FBXL16: variants seen among roughly 807,000 people sequenced by gnomAD.
FBXL16 encodes the protein F-box/LRR-repeat protein 16.
A neutral mutation model predicts 36.7 loss-of-function variants in FBXL16; 7 were observed. The observed-to-expected ratio is 0.19, with a 90% CI of 0.11 to 0.36. The LOEUF is 0.36. Among genes scored for constraint, FBXL16 ranks in the 10% least tolerant of loss-of-function variants. The pLI is 1.00. For synonymous variants in FBXL16, 355 were observed against 308.7 expected, an observed-to-expected ratio of 1.15 and a Z score of -1.57; for missense variants, 463 against 659.4, an observed-to-expected ratio of 0.70 and a Z score of 3.26.
At chr16:696,717 G>T (rs1239461077) in intron 2 of FBXL16, 56 bp downstream of exon 2, 4 of 1,452,432 alleles carry the variant, frequency 2.8e-6, no homozygotes, top group Non-Finnish European at 3.6e-6. Flanking sequence ...CCTCCATAGG[G>T]TTGCTGCTGC....
chr16:700,178 C>T (rs960920783), intron 1 of FBXL16, among the ~76,000 whole-genome samples: 1 of 152,124 alleles, frequency 6.6e-6, no homozygotes, highest in African/African-American at 2.4e-5. Flanking sequence ...TAGACCGGAG[C>T]CGGGACCAGG....
intron 4 of FBXL16, 26 bp from the exon 5 acceptor site, chr16:694,723 A>G: frequency 1.3e-6 from 2 of 1,590,184 alleles, no homozygotes; most frequent in Non-Finnish European, 8.6e-7. Flanking sequence ...GAGCGACTTA[A>G]CGATTTCCGC....
At chr16:704,416 C>T (rs1446035243) in intron 1 of FBXL16, among the ~76,000 whole-genome samples, 2 of 152,120 alleles carry the variant, frequency 1.3e-5, no homozygotes, top group South Asian at 2.1e-4. Context: ...GCAAGTGAGT[C>T]CTAGGGTTCC....
In FBXL16 at chr16:694,202, G is replaced by C; in HGVS notation, c.*73C>G. On this transcript the variant is annotated 3_prime_UTR_variant, in exon 6 of 6. Transcript: ENST00000397621. Reference sequence around the variant, plus strand: ...CTCCCCCGAGCGCAAGGCGGGAAGAGGGGGCTCGGCGGCGCCCCGCGCCCC... The same window carrying C: ...CTCCCCCGAGCGCAAGGCGGGAAGACGGGGCTCGGCGGCGCCCCGCGCCCC... The C allele has an allele frequency of 9.0e-7, 1 of 1,115,440 alleles. No homozygotes were observed. Among genetic ancestry groups the C allele is most frequent in the African/African-American group, 1.6e-5 (1 of 61,358 alleles). The allele number at this position is 1,115,440 out of a possible 1,614,324, so 69.1% of individuals were successfully genotyped here. A position where few individuals can be genotyped will look rare whatever the true frequency, so the allele number is the denominator to read the frequency against.
In FBXL16 at chr16:695,040, C is replaced by G; in HGVS notation, c.1179G>C (p.Leu393=). ...GGCTGCGGAGGGACGACATGGTGGA[C>G]AGATAGCTGAGGCCAGTGTCCGTGA... ...VRITDTGLSY[L]STMSSLRSLY... Residue 393 remains leucine, a synonymous_variant, in exon 4 of 6, where the codon CTG becomes CTC. Transcript: ENST00000397621. The G allele has an allele frequency of 6.3e-7, 1 of 1,590,712 alleles. No homozygotes were observed. The highest frequency in any genetic ancestry group is 2.3e-5 in the East Asian group (1 of 44,298).
At position 694,668 on chromosome 16, in the gene FBXL16, C is replaced by T; in HGVS notation, c.1257G>A (p.Leu419=). Residue 419 remains leucine, a synonymous_variant, in exon 5 of 6, where the codon CTG becomes CTA. Transcript: ENST00000397621. ...ACAGGAGGCGCAAACTCCCCAGGGC[C>T]AGGAGGTGCTTCAGCCCGAAGTCTT... is the stretch of plus-strand genomic sequence containing the variant. The part of the protein sequence containing the change: ...QVQDFGLKHL[L]ALGSLRLLSL... The T allele has an allele frequency of 6.2e-7, 1 of 1,609,882 alleles. No homozygotes were observed. Among genetic ancestry groups the T allele is most frequent in the Non-Finnish European group, 8.5e-7 (1 of 1,178,452 alleles).
chr16:697,924 C>T lies in FBXL16; in HGVS notation c.-14-505G>A, dbSNP rs541071394. ...CTGCAGCAGGAGAATGACGTGAACC[C>T]GGGAGGCGGAGCTTGCAGTGAGCCG... On this transcript the variant is annotated intron_variant, in intron 1 of 5. Coordinates refer to ENST00000397621, the MANE Select transcript of FBXL16 (RefSeq NM_153350.4). The surrounding 1 kb of genome is among the most constrained non-coding windows in gnomAD (Gnocchi z 4.6). Among the ~76,000 whole-genome samples the T allele has an allele frequency of 3.2e-4, 48 of 151,494 alleles. No individual in the cohort carries two copies. The highest frequency in any genetic ancestry group is 2.9e-4 in the Non-Finnish European group (20 of 67,910).
chr16:694,516 C>A, intron 5 of FBXL16, 93 bp from the exon 6 acceptor site: 2 of 1,510,656 alleles, frequency 1.3e-6, no homozygotes, highest in South Asian at 1.2e-5. Context: ...CGCCTCGGAC[C>A]CGGGACTGTG....
chr16:697,037 G>C lies in FBXL16; in HGVS notation c.369C>G (p.Ala123=). The part of the protein sequence containing the change: ...EKCVLAQVCK[A]WRRVLYQPKF... ...TGGGCTGGTACAGCACGCGCCGCCA[G>C]GCCTTGCACACCTGGGCCAGCACAC... The change falls in exon 2 of 6, where the codon GCC becomes GCG. Residue 123 remains alanine, a synonymous_variant. Transcript: ENST00000397621. This position sits in a 1 kb window ranked among gnomAD's most constrained non-coding sequence, Gnocchi z 4.6. The C allele has an allele frequency of 2.5e-6, 4 of 1,598,824 alleles. No homozygotes were observed. Among genetic ancestry groups the C allele is most frequent in the Non-Finnish European group, 3.4e-6 (4 of 1,172,470 alleles).
chr16:702,322 C>A (rs1278301952), intron 1 of FBXL16, among the ~76,000 whole-genome samples: 1 of 152,154 alleles, frequency 6.6e-6, no homozygotes, highest in African/African-American at 2.4e-5. Context: ...CTCTTCTCCT[C>A]CATCCCTCAG....
chr16:695,855 G>T lies in FBXL16; in HGVS notation c.702C>A (p.Ala234=). Residue 234 remains alanine, a synonymous_variant, in exon 3 of 6, where the codon GCC becomes GCA. Transcript: ENST00000397621. ...ELSGCNDFTE[A]GLWSSLSARI... is the part of the protein sequence containing the mutation. ...GCGCGCTCAGGCTGGACCACAGCCC[G>T]GCCTCGGTGAAGTCGTTGCAGCCCG... The T allele has an allele frequency of 6.2e-7, 1 of 1,603,936 alleles. No homozygotes were observed. Among genetic ancestry groups the T allele is most frequent in the South Asian group, 1.1e-5 (1 of 90,904 alleles).
chr16:698,771 G>A (rs1356965185), intron 1 of FBXL16, among the ~76,000 whole-genome samples: 2 of 151,822 alleles, frequency 1.3e-5, no homozygotes, highest in African/African-American at 4.8e-5. Flanking sequence ...AAAATTAGCC[G>A]GGCTTGGTGG....
chr16:697,351 C>A lies in FBXL16; in HGVS notation c.55G>T (p.Gly19Cys). ...DPKPPCLPRN[G>C]LVKLPGQPNG... ...GGCTGGCCCGGCAGCTTCACCAGAC[C>A]GTTTCGAGGCAAGCATGGAGGCTTG... is the stretch of plus-strand genomic sequence containing the variant. The change falls in exon 2 of 6, where the codon GGT (glycine) becomes TGT (cysteine). Residue 19 changes from glycine (G) to cysteine (C), a missense_variant. Physicochemically the swap from Gly to Cys is radical, Grantham distance 159 (BLOSUM62 -3). Transcript: ENST00000397621. The surrounding 1 kb of genome is among the most constrained non-coding windows in gnomAD (Gnocchi z 4.6). 6.5e-7 allele frequency: 1 copy of A among 1,536,588 alleles called. No homozygotes were observed. Among genetic ancestry groups the A allele is most frequent in the Non-Finnish European group, 8.7e-7 (1 of 1,147,394 alleles).
At chr16:702,930 C>T (rs537773250) in intron 1 of FBXL16, among the ~76,000 whole-genome samples, 2 of 152,376 alleles carry the variant, frequency 1.3e-5, no homozygotes, top group East Asian at 1.9e-4. Flanking sequence ...CCTCCTGCCC[C>T]GCTCTCCCTG....
chr16:692,503 T>G lies in FBXL16; in HGVS notation c.*1772A>C, dbSNP rs1382903378. 2.0e-5 allele frequency: 3 copies of G among 152,292 alleles called. No homozygotes were observed. The highest frequency in any genetic ancestry group is 6.5e-5 in the Admixed American group (1 of 15,276). 9.4% of individuals were successfully genotyped at this position (152,292 alleles called of 1,614,324 possible). A position where few individuals can be genotyped will look rare whatever the true frequency, so the allele number is the denominator to read the frequency against. On this transcript the variant is annotated 3_prime_UTR_variant, in exon 6 of 6. Transcript: ENST00000397621. Reference sequence around the variant, plus strand: ...ACCTAAAAACAACTCAGACACATGTTTTTACAACTTTTTTAATATATATTT... The same window carrying G: ...ACCTAAAAACAACTCAGACACATGTGTTTACAACTTTTTTAATATATATTT...
rs2040025018 is a variant in FBXL16 at position 697,678 on chromosome 16, CTCTTTT to C, written c.-14-265_-14-260del. ...CCAACCTTCATTGCCCATGGACACC[CTCTTTT>C]TCTTTTGTTTTTTTTCTTTTTGAAA... On this transcript the variant is annotated intron_variant, in intron 1 of 5. Transcript: ENST00000397621. The surrounding 1 kb of genome is among the most constrained non-coding windows in gnomAD (Gnocchi z 4.6). 6.6e-6 allele frequency among the ~76,000 whole-genome samples: 1 copy of C among 152,148 alleles called. No individual in the cohort carries two copies. Among genetic ancestry groups the C allele is most frequent in the Admixed American group, 6.5e-5 (1 of 15,270 alleles).
chr16:704,139 G>C (rs2040074749), intron 1 of FBXL16, among the ~76,000 whole-genome samples: 1 of 152,228 alleles, frequency 6.6e-6, no homozygotes, highest in South Asian at 2.1e-4. Context: ...GGGGTCTTCG[G>C]GTGGCTGAAC....
intron 1 of FBXL16, among the ~76,000 whole-genome samples, chr16:704,946 C>G (rs77545280): frequency 1.3e-5 from 2 of 152,204 alleles, no homozygotes; most frequent in Non-Finnish European, 2.9e-5. Flanking sequence ...CTGAAGGTGC[C>G]GTTTCCCTTC....
chr16:703,977 G>A (rs1035558457), intron 1 of FBXL16, among the ~76,000 whole-genome samples: 4 of 152,254 alleles, frequency 2.6e-5, no homozygotes, highest in African/African-American at 7.2e-5. Context: ...GAAGGAATGA[G>A]GCCTGAACCC....
Sources: gnomAD v4.1 joint callset for allele counts (sites outside exome capture counted in the v4.1 genomes callset) on GRCh38, gnomAD v4.1.1 for gene constraint, Gnocchi (gnomAD v3.1) non-coding constraint, MANE v1.5 for transcripts, NCBI Gene and HGNC (gene_info 2026-07-23, HGNC 2026-07-21) for gene names.